Variants in SLC24A2 observed in about 807,000 individuals in gnomAD.
The protein encoded by SLC24A2 is sodium/potassium/calcium exchanger 2.
Under a neutral mutation model 62.0 loss-of-function variants are expected in SLC24A2, and 36 were observed. The observed-to-expected ratio is 0.58, with a 90% CI of 0.44 to 0.77. SLC24A2 has a LOEUF of 0.77. Ranked by LOEUF, SLC24A2 falls within the 30% of genes least tolerant of loss-of-function variation. The pLI is 0.00. For missense variants in SLC24A2, 846 were observed against 817.9 expected (o/e 1.03, Z -0.42); for synonymous variants, 358 against 294.0 (o/e 1.22, Z -2.23).
At chr9:19,909,132 C>A in the SLC24A2 span, among the ~76,000 whole-genome samples, 1 of 152,140 alleles carries the variant, frequency 6.6e-6, no homozygotes, top group East Asian at 1.9e-4. Flanking sequence ...CACATATATA[C>A]CATGGAATAC....
intron 7 of SLC24A2, among the ~76,000 whole-genome samples, chr9:19,560,086 G>A (rs1294033882): frequency 3.9e-5 from 6 of 152,102 alleles, no homozygotes; most frequent in East Asian, 1.9e-4. Flanking sequence ...AGCAAACCCC[G>A]AGTTCAGGGA....
chr9:19,746,195 G>C (rs1183397223), intron 2 of SLC24A2, among the ~76,000 whole-genome samples: 1 of 151,792 alleles, frequency 6.6e-6, no homozygotes, highest in Non-Finnish European at 1.5e-5. Flanking sequence ...GAGGTAAGCG[G>C]CTCTCTTGTT....
At chr9:19,801,786 G>T in the SLC24A2 span, among the ~76,000 whole-genome samples, 9 of 152,132 alleles carry the variant, frequency 5.9e-5, no homozygotes, top group Non-Finnish European at 1.2e-4. Context: ...TTTTTAGTCC[G>T]CCTAGGAAAT....
At chr9:20,005,930 G>A in the SLC24A2 span, among the ~76,000 whole-genome samples, 1 of 150,638 alleles carries the variant, frequency 6.6e-6, no homozygotes, top group Non-Finnish European at 1.5e-5. Flanking sequence ...CAAAGTGAGG[G>A]TAGGGCATAG....
chr9:19,877,534 T>C, the SLC24A2 span, among the ~76,000 whole-genome samples: 1 of 151,758 alleles, frequency 6.6e-6, no homozygotes, highest in Non-Finnish European at 1.5e-5. Context: ...TGGAATTCCC[T>C]AATGTTTGGA....
chr9:19,806,324 A>G, the SLC24A2 span, among the ~76,000 whole-genome samples: 4 of 152,116 alleles, frequency 2.6e-5, no homozygotes, highest in Non-Finnish European at 5.9e-5. Flanking sequence ...AGAAAATATG[A>G]TTAGTTGTAG....
At chr9:20,223,557 T>A in the SLC24A2 span, among the ~76,000 whole-genome samples, 1 of 151,918 alleles carries the variant, frequency 6.6e-6, no homozygotes, top group Non-Finnish European at 1.5e-5. Context: ...AATGAATAGT[T>A]TGGTGCTATC....
the SLC24A2 span, among the ~76,000 whole-genome samples, chr9:19,987,623 C>T: frequency 6.6e-6 from 1 of 152,138 alleles, no homozygotes; most frequent in Non-Finnish European, 1.5e-5. Flanking sequence ...GAAATGTATC[C>T]ATTTTCCAAA....
the SLC24A2 span, among the ~76,000 whole-genome samples, chr9:20,000,328 G>C: frequency 6.6e-6 from 1 of 152,184 alleles, no homozygotes; most frequent in African/African-American, 2.4e-5. Flanking sequence ...CAAGTAGCTA[G>C]TATGCAGCTA....
intron 2 of SLC24A2, among the ~76,000 whole-genome samples, chr9:19,648,290 G>T (rs1818701177): frequency 6.6e-6 from 1 of 152,122 alleles, no homozygotes; most frequent in African/African-American, 2.4e-5. Context: ...AGGGAAATCT[G>T]CCAAATAAGA....
chr9:20,096,615 C>G, the SLC24A2 span, among the ~76,000 whole-genome samples: 8 of 152,140 alleles, frequency 5.3e-5, no homozygotes, highest in Non-Finnish European at 1.2e-4. Flanking sequence ...TTCTACTTCT[C>G]TATTGCTCAT....
At chr9:20,223,718 T>C in the SLC24A2 span, among the ~76,000 whole-genome samples, 1 of 152,058 alleles carries the variant, frequency 6.6e-6, no homozygotes, top group African/African-American at 2.4e-5. Flanking sequence ...GGCTTACAAA[T>C]TGGTAAGGAT....
At chr9:19,863,634 A>G in the SLC24A2 span, among the ~76,000 whole-genome samples, 1 of 114,602 alleles carries the variant, frequency 8.7e-6, no homozygotes, top group Non-Finnish European at 1.9e-5. Context: ...TAAAAAATTA[A>G]GAAGGAAATT....
chr9:19,709,842 T>C (rs946084291), intron 2 of SLC24A2, among the ~76,000 whole-genome samples: 1 of 151,828 alleles, frequency 6.6e-6, no homozygotes, highest in Admixed American at 6.6e-5. Context: ...ATGGCACATG[T>C]ATACATATGT....
the SLC24A2 span, among the ~76,000 whole-genome samples, chr9:20,233,798 G>A: frequency 6.6e-6 from 1 of 152,202 alleles, no homozygotes; most frequent in Admixed American, 6.5e-5. Context: ...TTGCTAGTTA[G>A]TTGATGCAGT....
intron 2 of SLC24A2, among the ~76,000 whole-genome samples, chr9:19,708,715 G>T (rs962164509): frequency 2.0e-5 from 3 of 152,182 alleles, no homozygotes; most frequent in Non-Finnish European, 4.4e-5. Context: ...GGAGAAAGCT[G>T]AAACTGGATC....
At chr9:20,202,954 C>G in the SLC24A2 span, among the ~76,000 whole-genome samples, 1 of 152,044 alleles carries the variant, frequency 6.6e-6, no homozygotes, top group African/African-American at 2.4e-5. Context: ...ATTTTTAATG[C>G]ATTGGAGTAA....
chr9:19,604,428 G>A (rs781153508), intron 4 of SLC24A2, among the ~76,000 whole-genome samples: 1 of 152,188 alleles, frequency 6.6e-6, no homozygotes, highest in Non-Finnish European at 1.5e-5. Context: ...GATGCTGCAT[G>A]CTGGCTAGAG....
In SLC24A2 at chr9:19,725,337, C is replaced by T. The variant is rs1275081930; in HGVS notation, c.930+60600G>A. 9.2e-5 allele frequency among the ~76,000 whole-genome samples: 14 copies of T among 152,252 alleles called. No homozygotes were observed. The South Asian group carries it at 1.5e-3, about 16-fold the overall frequency. Reference sequence around the variant, plus strand: ...ACGTTATAATTACATATAACTCAATCAGTTGTTTTCTCAGTAGCTAAAAGA... The same window carrying T: ...ACGTTATAATTACATATAACTCAATTAGTTGTTTTCTCAGTAGCTAAAAGA... On this transcript the variant is annotated intron_variant, in intron 2 of 10. Coordinates refer to ENST00000341998, the MANE Select transcript of SLC24A2 (RefSeq NM_020344.4).
Sources: allele counts gnomAD v4.1 joint callset (sites outside exome capture counted in the v4.1 genomes callset), GRCh38; gene constraint gnomAD v4.1.1; transcripts MANE v1.5; gene names NCBI Gene and HGNC (gene_info 2026-07-23, HGNC 2026-07-21).